AOPEP: variants seen among roughly 807,000 people sequenced by gnomAD.
The protein encoded by AOPEP is aminopeptidase O (putative).
A neutral mutation model predicts 98.1 loss-of-function variants in AOPEP; 77 were observed. The observed-to-expected ratio is 0.78, with a 90% CI of 0.65 to 0.95. The LOEUF (loss-of-function observed/expected upper bound fraction) is 0.95, where lower values mean the gene tolerates loss of function less well. Ranked by LOEUF, AOPEP falls within the 40% of genes least tolerant of loss-of-function variation. The pLI is 0.00. For synonymous variants in AOPEP, 346 were observed against 365.3 expected (o/e 0.95, Z 0.60); for missense variants, 1,024 against 1,024.7 (o/e 1.00, Z 0.01).
intron 5 of AOPEP, among the ~76,000 whole-genome samples, chr9:94,862,038 G>A (rs970779833): frequency 6.6e-6 from 1 of 152,210 alleles, no homozygotes. Context: ...GTTTGTGAGT[G>A]ATTAAATTCC....
chr9:94,738,319 T>C (rs941820496), intron 1 of AOPEP, among the ~76,000 whole-genome samples: 1 of 152,208 alleles, frequency 6.6e-6, no homozygotes, highest in Non-Finnish European at 1.5e-5. Flanking sequence ...TCCTGTTGCC[T>C]GCTCAGGACA....
At position 94,760,104 on chromosome 9, in the gene AOPEP, A is replaced by C. The variant is rs1157481470; in HGVS notation, c.321A>C (p.Lys107Asn). The change falls in exon 2 of 17, where the codon AAA (lysine) becomes AAC (asparagine). Residue 107 changes from lysine (K) to asparagine (N), a missense_variant. Transcript: ENST00000375315. ...NDFAICSKGE[K>N]DTSDKDGNHD... Reference sequence around the variant, plus strand: ...TTGCAATCTGTAGTAAAGGTGAAAAAGATACTTCTGATAAAGATGGTAACC... The same window carrying C: ...TTGCAATCTGTAGTAAAGGTGAAAACGATACTTCTGATAAAGATGGTAACC... 1 of 1,614,214 alleles carries C rather than the reference A, an allele frequency of 6.2e-7. No individual in the cohort carries two copies. The highest frequency in any genetic ancestry group is 8.5e-7 in the Non-Finnish European group (1 of 1,180,024).
chr9:94,803,324 G>T (rs1432859821), intron 5 of AOPEP, among the ~76,000 whole-genome samples: 1 of 152,098 alleles, frequency 6.6e-6, no homozygotes, highest in African/African-American at 2.4e-5. Flanking sequence ...TAATTATAAT[G>T]AATACCATTT....
intron 1 of AOPEP, among the ~76,000 whole-genome samples, chr9:94,743,491 G>T (rs1833736000): frequency 1.3e-5 from 2 of 152,202 alleles, no homozygotes; most frequent in Non-Finnish European, 2.9e-5. Context: ...AAATAGAAAA[G>T]GTTATAACCT....
the AOPEP span, among the ~76,000 whole-genome samples, chr9:95,111,878 A>G: frequency 1.3e-5 from 2 of 152,158 alleles, no homozygotes; most frequent in African/African-American, 2.4e-5. Context: ...TGGACATCGG[A>G]GTCTTTAATC....
At chr9:94,732,076 C>T (rs1272424614) in intron 1 of AOPEP, among the ~76,000 whole-genome samples, 5 of 152,014 alleles carry the variant, frequency 3.3e-5, no homozygotes, top group African/African-American at 4.8e-5. Flanking sequence ...TGGGTCACCC[C>T]GCCCAGCCTG....
intron 3 of AOPEP, among the ~76,000 whole-genome samples, chr9:94,779,621 C>T (rs1038030269): frequency 2.6e-5 from 4 of 151,822 alleles, no homozygotes; most frequent in African/African-American, 4.8e-5. Flanking sequence ...GCAGATCAAA[C>T]TAGCAAATCA....
chr9:94,966,083 T>G (rs1211734086), intron 9 of AOPEP, among the ~76,000 whole-genome samples: 1 of 146,780 alleles, frequency 6.8e-6, no homozygotes, highest in Admixed American at 6.7e-5. Context: ...GTTAACTGGG[T>G]GTCATCAGAG....
In AOPEP at chr9:94,931,672, A is replaced by G. The variant is rs1393625717; in HGVS notation, c.1661+3141A>G. 3.2e-6 allele frequency: 4 copies of G among 1,234,652 alleles called. No homozygotes were observed. The African/African-American group carries it at 4.5e-5, about 14-fold the overall frequency. 76.5% of individuals were successfully genotyped at this position (1,234,652 alleles called of 1,614,324 possible). On this transcript the variant is annotated intron_variant, in intron 7 of 16. Coordinates refer to ENST00000375315, the MANE Select transcript of AOPEP (RefSeq NM_001193329.3). Reference sequence around the variant, plus strand: ...CAAGATGCCCCATGGTCTTGAAATGATGGGCCATAACAACGTAAAAATCTC... The same window carrying G: ...CAAGATGCCCCATGGTCTTGAAATGGTGGGCCATAACAACGTAAAAATCTC...
At chr9:95,070,130 G>A (rs566778033) in intron 14 of AOPEP, among the ~76,000 whole-genome samples, 219 of 152,300 alleles carry the variant, frequency 1.4e-3, no homozygotes, top group Non-Finnish European at 2.1e-3. Context: ...GCAGGTAGAC[G>A]GCCTCCACCT....
chr9:95,083,364 A>G (rs2070089541), intron 16 of AOPEP, among the ~76,000 whole-genome samples: 1 of 146,534 alleles, frequency 6.8e-6, no homozygotes, highest in African/African-American at 2.5e-5. Flanking sequence ...CGCACGCACC[A>G]CACAGAGCAC....
At chr9:94,885,908 T>A (rs1226195697) in intron 5 of AOPEP, among the ~76,000 whole-genome samples, 3 of 152,160 alleles carry the variant, frequency 2.0e-5, no homozygotes, top group Admixed American at 6.5e-5. Flanking sequence ...TTGCCTTTAT[T>A]GAAAAGGATA....
Position 94,916,706 on chromosome 9 carries a change from A to AT in AOPEP, c.1365-7280_1365-7279insT, listed in dbSNP as rs1336545494. On this transcript the variant is annotated intron_variant, in intron 5 of 16. Coordinates refer to ENST00000375315, the MANE Select transcript of AOPEP (RefSeq NM_001193329.3). Reference sequence around the variant, plus strand: ...CGAGACTCCCTCTCAAAAAAAAAAAAAAATTAAATAAATAAATAAATAAAT... The same window carrying AT: ...CGAGACTCCCTCTCAAAAAAAAAAAATAAATTAAATAAATAAATAAATAAAT... Among the ~76,000 whole-genome samples, 109 of 145,808 alleles carry AT rather than the reference A, an allele frequency of 7.5e-4. 2 individuals carry two copies. The highest frequency in any genetic ancestry group is 1.2e-3 in the African/African-American group (50 of 40,794).
chr9:94,947,172 G>T (rs564359781), intron 7 of AOPEP, among the ~76,000 whole-genome samples: 1 of 151,052 alleles, frequency 6.6e-6, no homozygotes, highest in Admixed American at 6.6e-5. Context: ...TATTAGAGAC[G>T]GGGTTTCACT....
intron 5 of AOPEP, among the ~76,000 whole-genome samples, chr9:94,893,991 A>C (rs1382304204): frequency 6.6e-6 from 1 of 152,216 alleles, no homozygotes; most frequent in African/African-American, 2.4e-5. Context: ...AAATAATAAA[A>C]GAAGAACAAT....
At chr9:95,009,872 T>C (rs986186197) in intron 13 of AOPEP, among the ~76,000 whole-genome samples, 14 of 152,104 alleles carry the variant, frequency 9.2e-5, no homozygotes, top group South Asian at 4.2e-4. Flanking sequence ...GTATAGACTT[T>C]ATAGTATCTA....
intron 9 of AOPEP, among the ~76,000 whole-genome samples, chr9:94,959,278 C>T (rs1265745269): frequency 6.6e-6 from 1 of 152,218 alleles, no homozygotes; most frequent in East Asian, 1.9e-4. Context: ...CTCCTGATCT[C>T]GTGATCCACC....
intron 5 of AOPEP, among the ~76,000 whole-genome samples, chr9:94,876,443 G>A (rs188846094): frequency 6.6e-6 from 1 of 150,648 alleles, no homozygotes; most frequent in Non-Finnish European, 1.5e-5. Context: ...TTGGCTCACT[G>A]CAAGCTCCAC....
At chr9:95,092,525 A>T in the AOPEP span, among the ~76,000 whole-genome samples, 1 of 152,200 alleles carries the variant, frequency 6.6e-6, no homozygotes, top group Non-Finnish European at 1.5e-5. Context: ...TGTCTGGGGC[A>T]CAGAGGCGAC....
Sources: gnomAD v4.1 joint callset for allele counts (sites outside exome capture counted in the v4.1 genomes callset) on GRCh38, gnomAD v4.1.1 for gene constraint, MANE v1.5 for transcripts, NCBI Gene and HGNC (gene_info 2026-07-23, HGNC 2026-07-21) for gene names.